Variants in PREX1 observed in about 807,000 individuals in gnomAD.
PREX1 encodes phosphatidylinositol 3,4,5-trisphosphate-dependent Rac exchanger 1 protein.
A neutral mutation model predicts 198.3 loss-of-function variants in PREX1; 41 were observed. That is an observed-to-expected ratio of 0.21 (90% confidence interval 0.16 to 0.27). The LOEUF is 0.27. Ranked by LOEUF, PREX1 falls within the 10% of genes least tolerant of loss-of-function variation. The pLI is 1.00. For missense variants in PREX1, 1,620 were observed against 2,200.7 expected (o/e 0.74, Z 5.28); for synonymous variants, 843 against 887.2 (o/e 0.95, Z 0.89).
At position 48,625,118 on chromosome 20, in the gene PREX1, T is replaced by G. The variant is rs997819329; in HGVS notation, c.*767A>C. The G allele has an allele frequency of 2.0e-5, 3 of 152,630 alleles. No individual in the cohort carries two copies. The highest frequency in any genetic ancestry group is 7.2e-5 in the African/African-American group (3 of 41,454). 9.5% of individuals were successfully genotyped at this position (152,630 alleles called of 1,614,324 possible). On this transcript the variant is annotated 3_prime_UTR_variant, in exon 40 of 40. Coordinates refer to ENST00000371941, the MANE Select transcript of PREX1 (RefSeq NM_020820.4). Reference sequence around the variant, plus strand: ...AATACTACCTTCTGTTGGTCCCCTGTTAGACAACATACCTTTCTTTGAAAT... The same window carrying G: ...AATACTACCTTCTGTTGGTCCCCTGGTAGACAACATACCTTTCTTTGAAAT...
At chr20:48,717,438 A>G (rs2089967062) in intron 5 of PREX1, among the ~76,000 whole-genome samples, 1 of 151,896 alleles carries the variant, frequency 6.6e-6, no homozygotes, top group South Asian at 2.1e-4. Flanking sequence ...CCCTGCGGCC[A>G]TACCTAGGGT....
chr20:48,780,573 G>C (rs1263983521), intron 1 of PREX1, among the ~76,000 whole-genome samples: 1 of 152,066 alleles, frequency 6.6e-6, no homozygotes, highest in Non-Finnish European at 1.5e-5. Context: ...GCCAAAGTTG[G>C]GACAACTTGA....
chr20:48,672,189 C>T (rs997571607), intron 14 of PREX1, among the ~76,000 whole-genome samples: 2 of 152,240 alleles, frequency 1.3e-5, no homozygotes, highest in Admixed American at 6.5e-5. Context: ...CTGAGCCTCC[C>T]GCACACCTGC....
At chr20:48,803,369 G>C (rs1185750914) in intron 1 of PREX1, among the ~76,000 whole-genome samples, 3 of 152,142 alleles carry the variant, frequency 2.0e-5, no homozygotes, top group African/African-American at 4.8e-5. Flanking sequence ...AGGGAGAACA[G>C]GGAGATGAAC....
Position 48,666,410 on chromosome 20 carries a change from C to G in PREX1, c.1666-55G>C. On this transcript the variant is annotated intron_variant, in intron 14 of 39. Transcript: ENST00000371941. The surrounding 1 kb of genome is among the most constrained non-coding windows in gnomAD (Gnocchi z 4.3). ...AGGTGGCAGCATCCGAGAGGCCATG[C>G]ATGGCCAACGAGAAGCCCACAACCA... 1 of 1,450,384 alleles carries G rather than the reference C, an allele frequency of 6.9e-7. No individual in the cohort carries two copies. Among genetic ancestry groups the G allele is most frequent in the East Asian group, 2.5e-5 (1 of 40,432 alleles). The allele number at this position is 1,450,384 out of a possible 1,614,324, so 89.8% of individuals were successfully genotyped here.
the PREX1 span, among the ~76,000 whole-genome samples, chr20:48,851,648 A>G: frequency 2.0e-5 from 3 of 152,158 alleles, no homozygotes; most frequent in Non-Finnish European, 4.4e-5. Flanking sequence ...GAACCAAGTC[A>G]TAGTATGGCA....
chr20:48,812,887 G>A (rs1022320303), intron 1 of PREX1, among the ~76,000 whole-genome samples: 5 of 152,238 alleles, frequency 3.3e-5, no homozygotes, highest in African/African-American at 4.8e-5. Flanking sequence ...ACCTGCTGTC[G>A]TGTACCAGGC....
Position 48,632,284 on chromosome 20 carries a change from T to C in PREX1, c.4519A>G (p.Lys1507Glu). 1 of 1,614,082 alleles carries C rather than the reference T, an allele frequency of 6.2e-7. No individual in the cohort carries two copies. Among genetic ancestry groups the C allele is most frequent in the Non-Finnish European group, 8.5e-7 (1 of 1,180,010 alleles). Reference protein sequence around the residue: ...SLEKVQQYYRKLRAFYLERSN... With the variant: ...SLEKVQQYYRELRAFYLERSN... ...GGGACCCCAGGCGGATACCTGAGTT[T>C]GCGGTAATACTGCTGAACTTTCTCC... Residue 1507 changes from lysine (K) to glutamate (E), a missense_variant, in exon 35 of 40, where the codon AAA (lysine) becomes GAA (glutamate). This residue lies in a region of PREX1 where 476 missense variants were observed against 603.4 expected (regional missense o/e 0.79). Transcript: ENST00000371941.
chr20:48,810,850 G>A (rs2090430744), intron 1 of PREX1, among the ~76,000 whole-genome samples: 2 of 151,964 alleles, frequency 1.3e-5, no homozygotes, highest in Admixed American at 1.3e-4. Context: ...TCGCACCACT[G>A]CACTCCAGCC....
chr20:48,721,245 C>G (rs954010639), intron 5 of PREX1, among the ~76,000 whole-genome samples: 1 of 152,200 alleles, frequency 6.6e-6, no homozygotes, highest in African/African-American at 2.4e-5. Context: ...CCTTGGGGAG[C>G]TGATGTCTCA....
intron 35 of PREX1, among the ~76,000 whole-genome samples, chr20:48,632,062 TG>T (rs1351529482): frequency 6.6e-6 from 1 of 152,246 alleles, no homozygotes; most frequent in African/African-American, 2.4e-5. Context: ...GTACACTTTC[TG>T]GGCCTCAGTC....
intron 1 of PREX1, among the ~76,000 whole-genome samples, chr20:48,758,878 A>T (rs780436012): frequency 6.6e-6 from 1 of 152,100 alleles, no homozygotes; most frequent in Non-Finnish European, 1.5e-5. Flanking sequence ...ATGTGTGTTC[A>T]TTATCAGTCT....
At chr20:48,790,089 T>C (rs145308925) in intron 1 of PREX1, among the ~76,000 whole-genome samples, 332 of 152,296 alleles carry the variant, frequency 2.2e-3, no homozygotes, top group African/African-American at 7.2e-3. Context: ...TGGCTCAGCC[T>C]TTCCTCGCTG....
At chr20:48,823,018 C>T (rs1009703008) in intron 1 of PREX1, among the ~76,000 whole-genome samples, 5 of 152,114 alleles carry the variant, frequency 3.3e-5, no homozygotes, top group Admixed American at 1.3e-4. Context: ...CAACAAAAAA[C>T]CACAGTTTCT....
At chr20:48,704,792 G>A (rs1294229885) in intron 6 of PREX1, among the ~76,000 whole-genome samples, 1 of 152,206 alleles carries the variant, frequency 6.6e-6, no homozygotes, top group Non-Finnish European at 1.5e-5. Flanking sequence ...CTGGCCTCAG[G>A]TGATCCACCT....
At chr20:48,628,756 A>G (rs1382336217) in intron 37 of PREX1, among the ~76,000 whole-genome samples, 1 of 152,232 alleles carries the variant, frequency 6.6e-6, no homozygotes, top group African/African-American at 2.4e-5. Flanking sequence ...TGGAACGTCA[A>G]TGACCTAGGA....
intron 25 of PREX1, among the ~76,000 whole-genome samples, chr20:48,647,057 G>A (rs955793454): frequency 3.3e-5 from 5 of 152,128 alleles, no homozygotes; most frequent in Non-Finnish European, 7.4e-5. Flanking sequence ...CTGTGAGACC[G>A]CATCTCTGTA....
chr20:48,633,637 A>G (rs902161592), intron 33 of PREX1, among the ~76,000 whole-genome samples: 11 of 152,084 alleles, frequency 7.2e-5, no homozygotes, highest in African/African-American at 2.7e-4. Context: ...ATGCCTTTCT[A>G]TCAAGCCCCC....
chr20:48,653,360 CCAGGGCCTCTTCGCGCCGACT>C lies in PREX1; in HGVS notation c.2326_2346del (p.Ser776_Leu782del). Reference sequence around the variant, plus strand: ...ACGGCCCCGGTTTCCAGTAAACTTACCAGGGCCTCTTCGCGCCGACTCCGGAATGCCTGGAAGTGCTCCAGG... The same window carrying C: ...ACGGCCCCGGTTTCCAGTAAACTTACCCGGAATGCCTGGAAGTGCTCCAGG... On this transcript the variant is annotated inframe_deletion and splice_region_variant, in exon 20 of 40. Coordinates refer to ENST00000371941, the MANE Select transcript of PREX1 (RefSeq NM_020820.4). 2 of 1,612,028 alleles carry C rather than the reference CCAGGGCCTCTTCGCGCCGACT, an allele frequency of 1.2e-6. No individual in the cohort carries two copies. The highest frequency in any genetic ancestry group is 2.2e-5 in the South Asian group (2 of 91,046).
Sources: gnomAD v4.1 joint callset for allele counts (sites outside exome capture counted in the v4.1 genomes callset) on GRCh38, gnomAD v4.1.1 for gene constraint, gnomAD v4.1.1 regional missense constraint, Gnocchi (gnomAD v3.1) non-coding constraint, MANE v1.5 for transcripts, NCBI Gene and HGNC (gene_info 2026-07-23, HGNC 2026-07-21) for gene names.